Variants in LUZP2 observed in about 807,000 individuals in gnomAD.
LUZP2 encodes leucine zipper protein 2.
A neutral mutation model predicts 51.6 loss-of-function variants in LUZP2; 52 were observed. The observed-to-expected ratio is 1.01, with a 90% CI of 0.81 to 1.27. The LOEUF is 1.27. Ranked by LOEUF, LUZP2 falls within the 50% of genes most tolerant of loss-of-function variation. The pLI is 0.00. For synonymous variants in LUZP2, 154 were observed against 137.3 expected (o/e 1.12, Z -0.85); for missense variants, 436 against 395.4 (o/e 1.10, Z -0.87).
intron 5 of LUZP2, among the ~76,000 whole-genome samples, chr11:24,868,939 G>A (rs1851973975): frequency 6.6e-6 from 1 of 152,150 alleles, no homozygotes; most frequent in African/African-American, 2.4e-5. Context: ...AAATAGAATT[G>A]TAGAGAGAGA....
chr11:24,616,783 T>C (rs999791090), intron 1 of LUZP2, among the ~76,000 whole-genome samples: 2 of 152,162 alleles, frequency 1.3e-5, no homozygotes, highest in African/African-American at 4.8e-5. Flanking sequence ...TGTTCTGGTT[T>C]ACATCTCCTG....
chr11:25,057,086 C>A (rs2134033162), intron 10 of LUZP2, among the ~76,000 whole-genome samples: 2 of 152,080 alleles, frequency 1.3e-5, no homozygotes, highest in Admixed American at 1.3e-4. Flanking sequence ...TTTTGTTGTT[C>A]ATTTATTGCA....
intron 5 of LUZP2, among the ~76,000 whole-genome samples, chr11:24,846,581 G>T (rs80201323): frequency 0.014 from 2,072 of 152,172 alleles, 52 homozygotes; most frequent in East Asian, 0.13. Flanking sequence ...AAGTCTAGTT[G>T]TCTATTAAAG....
At chr11:24,860,348 A>G (rs1851702948) in intron 5 of LUZP2, among the ~76,000 whole-genome samples, 1 of 152,192 alleles carries the variant, frequency 6.6e-6, no homozygotes, top group Non-Finnish European at 1.5e-5. Context: ...GCAAACCAGC[A>G]GACTTAGCCT....
chr11:24,826,065 A>G (rs1045864202), intron 5 of LUZP2, among the ~76,000 whole-genome samples: 4 of 149,568 alleles, frequency 2.7e-5, no homozygotes, highest in Admixed American at 1.3e-4. Context: ...CCCAGCTACT[A>G]CTCGGGAGGC....
intron 4 of LUZP2, among the ~76,000 whole-genome samples, chr11:24,759,215 C>G (rs909591231): frequency 6.6e-6 from 1 of 152,162 alleles, no homozygotes; most frequent in South Asian, 2.1e-4. Context: ...CATAATTAGT[C>G]TAAAGCAAGA....
At chr11:25,039,797 A>G (rs1056945075) in intron 9 of LUZP2, among the ~76,000 whole-genome samples, 1 of 152,128 alleles carries the variant, frequency 6.6e-6, no homozygotes, top group East Asian at 1.9e-4. Context: ...AAAATTTTTT[A>G]TTGCAGCAAA....
At chr11:24,985,792 G>C (rs1485172169) in intron 9 of LUZP2, among the ~76,000 whole-genome samples, 2 of 151,692 alleles carry the variant, frequency 1.3e-5, no homozygotes, top group Non-Finnish European at 1.5e-5. Flanking sequence ...TCCAGTAGAT[G>C]ATTATGTATT....
chr11:24,950,712 A>G (rs1590764918), intron 7 of LUZP2, among the ~76,000 whole-genome samples: 1 of 151,550 alleles, frequency 6.6e-6, no homozygotes, highest in East Asian at 1.9e-4. Flanking sequence ...AAAAAGCACC[A>G]GTTTTTTTTG....
At chr11:24,828,142 T>G (rs1035280877) in intron 5 of LUZP2, among the ~76,000 whole-genome samples, 9 of 152,070 alleles carry the variant, frequency 5.9e-5, no homozygotes, top group African/African-American at 2.2e-4. Flanking sequence ...GTGAGCAATA[T>G]TCTGGTGACT....
chr11:24,826,311 T>C (rs1016976193), intron 5 of LUZP2, among the ~76,000 whole-genome samples: 5 of 150,966 alleles, frequency 3.3e-5, no homozygotes, highest in African/African-American at 1.2e-4. Flanking sequence ...CTTATAGATC[T>C]TGACTATGAT....
At chr11:25,027,712 A>T (rs1857533451) in intron 9 of LUZP2, among the ~76,000 whole-genome samples, 1 of 152,046 alleles carries the variant, frequency 6.6e-6, no homozygotes, top group Non-Finnish European at 1.5e-5. Flanking sequence ...TCTACTAAAA[A>T]TAAAAAAATT....
intron 9 of LUZP2, among the ~76,000 whole-genome samples, chr11:25,038,387 C>T (rs1486828251): frequency 6.6e-6 from 1 of 152,170 alleles, no homozygotes; most frequent in Non-Finnish European, 1.5e-5. Context: ...CCCATAGGCA[C>T]TGTAAAACAA....
At chr11:24,999,246 A>C (rs1856601576) in intron 9 of LUZP2, among the ~76,000 whole-genome samples, 1 of 152,152 alleles carries the variant, frequency 6.6e-6, no homozygotes, top group South Asian at 2.1e-4. Flanking sequence ...ATACTTCTAA[A>C]AACCAGCAGA....
rs538229822 is a variant in LUZP2, at chr11:24,917,983, C to T, written c.522+3445C>T. On this transcript the variant is annotated intron_variant, in intron 7 of 11. Coordinates refer to ENST00000336930, the MANE Select transcript of LUZP2 (RefSeq NM_001009909.4). ...TACCCATGAGCATGGAATGTTCTTC[C>T]ATTTGTTTGTGTCCTCTTTTATTTC... is the stretch of plus-strand genomic sequence containing the variant. Among the ~76,000 whole-genome samples, 3 of 152,156 alleles carry T rather than the reference C, an allele frequency of 2.0e-5. No individual in the cohort carries two copies. In the South Asian group the frequency reaches 6.2e-4, roughly 32 times the overall value.
At chr11:24,676,957 A>G (rs772423083) in intron 1 of LUZP2, among the ~76,000 whole-genome samples, 66 of 152,204 alleles carry the variant, frequency 4.3e-4, no homozygotes, top group Non-Finnish European at 8.4e-4. Flanking sequence ...GTGAGCCACC[A>G]TGTCCGGCCA....
In LUZP2 at chr11:24,899,956, C is replaced by T. The variant is rs116574119; in HGVS notation, c.397-6035C>T. Among the ~76,000 whole-genome samples the T allele has an allele frequency of 3.8e-3, 575 of 152,172 alleles. 3 individuals carry two copies. The highest frequency in any genetic ancestry group is 0.013 in the African/African-American group (546 of 41,536). On this transcript the variant is annotated intron_variant, in intron 5 of 11. Coordinates refer to ENST00000336930, the MANE Select transcript of LUZP2 (RefSeq NM_001009909.4). The stretch of plus-strand genomic sequence containing the variant: ...CTTTCAAGTTCTTTATATGTCAATG[C>T]TGAAAATGAAAGTCTCTTTTGTTAT...
chr11:24,847,033 C>T (rs1851224481), intron 5 of LUZP2, among the ~76,000 whole-genome samples: 1 of 151,630 alleles, frequency 6.6e-6, no homozygotes, highest in Non-Finnish European at 1.5e-5. Context: ...CATGTATACA[C>T]ACATATATAG....
At chr11:24,562,661 G>T (rs983689176) in intron 1 of LUZP2, among the ~76,000 whole-genome samples, 3 of 150,308 alleles carry the variant, frequency 2.0e-5, no homozygotes, top group African/African-American at 7.4e-5. Context: ...AGACCATCCT[G>T]GCTAACATGG....
Sources: allele counts gnomAD v4.1 joint callset (sites outside exome capture counted in the v4.1 genomes callset), GRCh38; gene constraint gnomAD v4.1.1; transcripts MANE v1.5; gene names NCBI Gene and HGNC (gene_info 2026-07-23, HGNC 2026-07-21).